Variants in EIF4EBP1 observed in about 807,000 individuals in gnomAD.
The protein encoded by EIF4EBP1 is eukaryotic translation initiation factor 4E-binding protein 1.
Under a neutral mutation model 9.2 loss-of-function variants are expected in EIF4EBP1, and 5 were observed. The ratio of observed to expected loss-of-function variants is 0.54; its 90% CI spans 0.28 to 1.14. EIF4EBP1 has a LOEUF of 1.14. EIF4EBP1 is among the 50% of genes most tolerant of loss of function. The pLI, the probability that EIF4EBP1 is intolerant of heterozygous loss-of-function variation, is 0.09. For synonymous variants in EIF4EBP1, 62 were observed against 67.0 expected, an observed-to-expected ratio of 0.93 and a Z score of 0.36; for missense variants, 139 against 169.6, an observed-to-expected ratio of 0.82 and a Z score of 1.00.
At chr8:38,042,172 G>C (rs1809390743) in intron 1 of EIF4EBP1, among the ~76,000 whole-genome samples, 1 of 152,154 alleles carries the variant, frequency 6.6e-6, no homozygotes, top group South Asian at 2.1e-4. Flanking sequence ...CACCTGCCCT[G>C]CCCTACCCAG....
chr8:38,049,998 G>A (rs1050075366), intron 1 of EIF4EBP1, among the ~76,000 whole-genome samples: 1 of 151,090 alleles, frequency 6.6e-6, no homozygotes, highest in Non-Finnish European at 1.5e-5. Flanking sequence ...TGCAGCCTCC[G>A]CCTCCTGGGT....
At chr8:38,049,259 G>A (rs1054256260) in intron 1 of EIF4EBP1, among the ~76,000 whole-genome samples, 2 of 152,070 alleles carry the variant, frequency 1.3e-5, no homozygotes, top group East Asian at 1.9e-4. Context: ...TCAAGGCACC[G>A]TTTGCAGGCT....
In EIF4EBP1 at chr8:38,045,161, C is replaced by T. The variant is rs139887137; in HGVS notation, c.146-11920C>T. Among the ~76,000 whole-genome samples, 237 of 152,214 alleles carry T rather than the reference C, an allele frequency of 1.6e-3. 1 individual carries two copies. Among genetic ancestry groups the T allele is most frequent in the African/African-American group, 5.4e-3 (225 of 41,532 alleles). ...ATTTTATTTAATCTTCACGATACTC[C>T]TCTGAGGTGTGGATTTTGTTATTCC... is the stretch of plus-strand genomic sequence containing the variant. On this transcript the variant is annotated intron_variant, in intron 1 of 2. Transcript: ENST00000338825.
chr8:38,050,173 A>G (rs1312488941), intron 1 of EIF4EBP1, among the ~76,000 whole-genome samples: 1 of 151,844 alleles, frequency 6.6e-6, no homozygotes, highest in Admixed American at 6.6e-5. Flanking sequence ...CAGCCTCCCA[A>G]AGTGTTGGGG....
chr8:38,030,781 C>T (rs1809205502), intron 1 of EIF4EBP1, 63 bp downstream of exon 1: 5 of 1,370,784 alleles, frequency 3.6e-6, no homozygotes, highest in Non-Finnish European at 4.7e-6. Flanking sequence ...TCGGGAATCG[C>T]GGATTGGACC....
Position 38,030,679 on chromosome 8 carries a change from A to T in EIF4EBP1, c.106A>T (p.Thr36Ser), listed in dbSNP as rs1311299005. The T allele has an allele frequency of 6.7e-7, 1 of 1,485,752 alleles. No individual in the cohort carries two copies. The highest frequency in any genetic ancestry group is 2.2e-5 in the Admixed American group (1 of 45,388). 92.0% of individuals were successfully genotyped at this position (1,485,752 alleles called of 1,614,324 possible). ...GVQLPPGDYS[T>S]TPGGTLFSTT... is the part of the protein sequence containing the mutation. Reference sequence around the variant, plus strand: ...GCAGCTCCCGCCCGGGGACTACAGCACGACCCCCGGCGGCACGCTCTTCAG... The same window carrying T: ...GCAGCTCCCGCCCGGGGACTACAGCTCGACCCCCGGCGGCACGCTCTTCAG... Residue 36 changes from threonine to serine, a missense_variant, in exon 1 of 3, where the codon ACG (threonine) becomes TCG (serine). Coordinates refer to ENST00000338825, the MANE Select transcript of EIF4EBP1 (RefSeq NM_004095.4).
intron 1 of EIF4EBP1, among the ~76,000 whole-genome samples, chr8:38,040,686 C>A (rs1809365642): frequency 6.6e-6 from 1 of 152,200 alleles, no homozygotes; most frequent in Admixed American, 6.6e-5. Flanking sequence ...TCCCTCTATC[C>A]TCTTGGTCTC....
chr8:38,053,630 CTG>C (rs1226249281), intron 1 of EIF4EBP1, among the ~76,000 whole-genome samples: 2 of 152,290 alleles, frequency 1.3e-5, no homozygotes, highest in East Asian at 3.9e-4. Flanking sequence ...TTCACAATAA[CTG>C]AGAAGTGGAA....
chr8:38,035,718 T>G (rs1809290740), intron 1 of EIF4EBP1, among the ~76,000 whole-genome samples: 1 of 151,418 alleles, frequency 6.6e-6, no homozygotes, highest in Non-Finnish European at 1.5e-5. Flanking sequence ...TATTTATTAT[T>G]ATTTTCCTCA....
At chr8:38,042,105 T>C (rs1809389471) in intron 1 of EIF4EBP1, among the ~76,000 whole-genome samples, 1 of 152,122 alleles carries the variant, frequency 6.6e-6, no homozygotes, top group Admixed American at 6.6e-5. Context: ...CCATCTCCTC[T>C]TCCCCCTCCA....
chr8:38,038,062 T>C (rs1262422316), intron 1 of EIF4EBP1, among the ~76,000 whole-genome samples: 1 of 152,024 alleles, frequency 6.6e-6, no homozygotes, highest in Non-Finnish European at 1.5e-5. Flanking sequence ...CGTGAGCCAC[T>C]GGACCAGCCA....
intron 1 of EIF4EBP1, among the ~76,000 whole-genome samples, chr8:38,053,498 G>A (rs1809553600): frequency 6.6e-6 from 1 of 152,196 alleles, no homozygotes; most frequent in Non-Finnish European, 1.5e-5. Context: ...TTACAGGTGT[G>A]TGCCACCACG....
intron 2 of EIF4EBP1, among the ~76,000 whole-genome samples, chr8:38,059,272 G>A (rs1030785791): frequency 6.6e-6 from 1 of 152,188 alleles, no homozygotes; most frequent in African/African-American, 2.4e-5. Flanking sequence ...GAGTTCTCTC[G>A]AGATCTGGTT....
intron 1 of EIF4EBP1, among the ~76,000 whole-genome samples, chr8:38,051,504 G>T (rs1049851444): frequency 6.6e-6 from 1 of 152,160 alleles, no homozygotes; most frequent in African/African-American, 2.4e-5. Context: ...CCTAGTGGAG[G>T]TGGGTCATTT....
intron 1 of EIF4EBP1, among the ~76,000 whole-genome samples, chr8:38,046,265 GT>G (rs755012248): frequency 2.6e-5 from 4 of 152,032 alleles, no homozygotes; most frequent in Non-Finnish European, 5.9e-5. Context: ...ACCCATGCTG[GT>G]CTTGAACCCC....
chr8:38,046,166 G>A (rs886697097), intron 1 of EIF4EBP1, among the ~76,000 whole-genome samples: 2 of 152,146 alleles, frequency 1.3e-5, no homozygotes, highest in African/African-American at 2.4e-5. Flanking sequence ...GCCTCCCAGT[G>A]TGCTGGGATT....
chr8:38,054,305 G>A lies in EIF4EBP1; in HGVS notation c.146-2776G>A, dbSNP rs541620584. Among the ~76,000 whole-genome samples, 7 of 152,244 alleles carry A rather than the reference G, an allele frequency of 4.6e-5. No homozygotes were observed. The East Asian group carries it at 1.2e-3, about 25-fold the overall frequency. On this transcript the variant is annotated intron_variant, in intron 1 of 2. Coordinates refer to ENST00000338825, the MANE Select transcript of EIF4EBP1 (RefSeq NM_004095.4). ...TCTCTACCAAAAAATACAAAAATTA[G>A]CCGGGCGTGATAGCACATGCCTGTT...
At chr8:38,031,620 A>G (rs1204959737) in intron 1 of EIF4EBP1, among the ~76,000 whole-genome samples, 1 of 151,988 alleles carries the variant, frequency 6.6e-6, no homozygotes, top group African/African-American at 2.4e-5. Context: ...GCTGCTTTCC[A>G]TACTACTAGA....
chr8:38,060,118 T>C lies in EIF4EBP1; in HGVS notation c.*183T>C, dbSNP rs536961665. On this transcript the variant is annotated 3_prime_UTR_variant, in exon 3 of 3. Coordinates refer to ENST00000338825, the MANE Select transcript of EIF4EBP1 (RefSeq NM_004095.4). ...CCTCCTCTTCGTGAACACCAGCAGA[T>C]ACCTCCTTGTGCCTCCACTGATGCA... 116 of 656,948 alleles carry C rather than the reference T, an allele frequency of 1.8e-4. 1 individual carries two copies. In the South Asian group the frequency reaches 2.0e-3, roughly 11 times the overall value. The allele number at this position is 656,948 out of a possible 1,614,324, so 40.7% of individuals were successfully genotyped here. A position where few individuals can be genotyped will look rare whatever the true frequency, so the allele number is the denominator to read the frequency against.
Sources: allele counts gnomAD v4.1 joint callset (sites outside exome capture counted in the v4.1 genomes callset), GRCh38; gene constraint gnomAD v4.1.1; transcripts MANE v1.5; gene names NCBI Gene and HGNC (gene_info 2026-07-23, HGNC 2026-07-21).